Variants in ZNF611 observed in about 807,000 individuals in gnomAD.
The protein encoded by ZNF611 is zinc finger protein 611.
A neutral mutation model predicts 8.9 loss-of-function variants in ZNF611; 6 were observed. The observed-to-expected ratio is 0.68, with a 90% CI of 0.37 to 1.34. The LOEUF (loss-of-function observed/expected upper bound fraction) is 1.34. Ranked by LOEUF, ZNF611 falls within the 40% of genes most tolerant of loss-of-function variation. ZNF611 has a pLI of 0.02. For missense variants in ZNF611, 874 were observed against 841.3 expected, an observed-to-expected ratio of 1.04 and a Z score of -0.48; for synonymous variants, 262 against 279.7, an observed-to-expected ratio of 0.94 and a Z score of 0.63.
At chr19:52,711,851 A>C (rs1420203577) in intron 5 of ZNF611, among the ~76,000 whole-genome samples, 1 of 152,102 alleles carries the variant, frequency 6.6e-6, no homozygotes, top group Non-Finnish European at 1.5e-5. Context: ...ATCCAGATCA[A>C]TGTATCATGT....
intron 4 of ZNF611, among the ~76,000 whole-genome samples, chr19:52,714,416 GGCA>G: frequency 6.6e-6 from 1 of 152,058 alleles, no homozygotes; most frequent in Non-Finnish European, 1.5e-5. Flanking sequence ...GGCCAGGCAT[GGCA>G]GTTCACGCTT....
intron 3 of ZNF611, among the ~76,000 whole-genome samples, chr19:52,722,378 T>C (rs2062365385): frequency 6.6e-6 from 1 of 151,414 alleles, no homozygotes; most frequent in Non-Finnish European, 1.5e-5. Context: ...CCAGACCCTG[T>C]CTCAAAATAT....
At chr19:52,727,825 A>G (rs2062401812) in intron 3 of ZNF611, among the ~76,000 whole-genome samples, 1 of 152,032 alleles carries the variant, frequency 6.6e-6, no homozygotes, top group Non-Finnish European at 1.5e-5. Context: ...TTACAGGTCC[A>G]TAGCTTTAAA....
At chr19:52,734,588 C>T (rs2062446250) in intron 1 of ZNF611, among the ~76,000 whole-genome samples, 1 of 150,162 alleles carries the variant, frequency 6.7e-6, no homozygotes, top group Non-Finnish European at 1.5e-5. Context: ...TCTGCAGGAT[C>T]CCAGGACCTG....
intron 3 of ZNF611, 41 bp from the exon 4 acceptor site, chr19:52,715,954 TCA>T: frequency 6.2e-7 from 1 of 1,606,800 alleles, no homozygotes; most frequent in South Asian, 1.1e-5. Context: ...TAGAAATGAC[TCA>T]CTCCCTTCCT....
chr19:52,712,481 A>AC lies in ZNF611; in HGVS notation c.190+1533_190+1534insG, dbSNP rs955139313. The stretch of plus-strand genomic sequence containing the variant: ...TAAAAAAAAAAAAAAAAAAAAAAAA[A>AC]AAAAAACATTGGCCGGGCATGGTGA... On this transcript the variant is annotated intron_variant, in intron 5 of 5. Transcript: ENST00000652185. 6.6e-4 allele frequency among the ~76,000 whole-genome samples: 97 copies of AC among 147,878 alleles called. 1 individual carries two copies. The East Asian group carries it at 0.013, about 21-fold the overall frequency.
chr19:52,732,922 C>G (rs2062434978), intron 1 of ZNF611, among the ~76,000 whole-genome samples: 1 of 151,862 alleles, frequency 6.6e-6, no homozygotes, highest in South Asian at 2.1e-4. Context: ...CCACTGCACA[C>G]CAGCCTGGGT....
chr19:52,710,591 C>T (rs2062273092), intron 5 of ZNF611, among the ~76,000 whole-genome samples: 1 of 152,262 alleles, frequency 6.6e-6, no homozygotes, highest in South Asian at 2.1e-4. Flanking sequence ...TCTCAAACTC[C>T]TGACCTCAAG....
At chr19:52,717,679 C>T in intron 3 of ZNF611, 1 of 984,950 alleles carries the variant, frequency 1.0e-6, no homozygotes, top group Non-Finnish European at 1.2e-6. Context: ...CAATCCAGCC[C>T]ATCCTTCAAC....
At position 52,705,472 on chromosome 19, in the gene ZNF611, T is replaced by C. The variant is rs1300374266; in HGVS notation, c.1583A>G (p.His528Arg). ...TTTCTCTCCAGTATGACCTATCTTA[T>C]GTGTCTCAAGGCTTGATTTACGACT... ...VFSRKSSLET[H>R]KIGHTGEKPY... Residue 528 changes from histidine to arginine, a missense_variant, in exon 6 of 6, where the codon CAT becomes CGT. Coordinates refer to ENST00000652185, the MANE Select transcript of ZNF611 (RefSeq NM_001161499.2). The C allele has an allele frequency of 2.5e-6, 4 of 1,614,204 alleles. No individual in the cohort carries two copies. The highest frequency in any genetic ancestry group is 3.4e-6 in the Non-Finnish European group (4 of 1,180,036).
intron 3 of ZNF611, among the ~76,000 whole-genome samples, chr19:52,725,706 G>A (rs1315961119): frequency 6.6e-6 from 1 of 152,154 alleles, no homozygotes; most frequent in Non-Finnish European, 1.5e-5. Context: ...TTAATACAAG[G>A]CAGAGCAAAA....
chr19:52,720,487 G>T (rs1349025072), intron 3 of ZNF611, among the ~76,000 whole-genome samples: 7 of 151,264 alleles, frequency 4.6e-5, no homozygotes, highest in African/African-American at 1.7e-4. Flanking sequence ...GGGGCGGCCG[G>T]GCAGAGGCGC....
chr19:52,706,565 G>T lies in ZNF611; in HGVS notation c.490C>A (p.Leu164Met). The T allele has an allele frequency of 2.5e-6, 4 of 1,614,192 alleles. No homozygotes were observed. The highest frequency in any genetic ancestry group is 3.4e-6 in the Non-Finnish European group (4 of 1,180,038). The change falls in exon 6 of 6, where the codon CTG (leucine) becomes ATG (methionine). Residue 164 changes from leucine to methionine, a missense_variant. Physicochemically the swap from Leu to Met is conservative, Grantham distance 15. Coordinates refer to ENST00000652185, the MANE Select transcript of ZNF611 (RefSeq NM_001161499.2). ...DQLGSSFYSH[L>M]PELHIFQIKG... The stretch of plus-strand genomic sequence containing the variant: ...ATCTGAAATATGTGGAGTTCAGGCA[G>T]ATGTGAATAAAAGCTTGATCCAAGC...
chr19:52,716,137 C>T lies in ZNF611; in HGVS notation c.-19-224G>A, dbSNP rs373824680. 354 of 514,820 alleles carry T rather than the reference C, an allele frequency of 6.9e-4. 2 individuals carry two copies. The highest frequency in any genetic ancestry group is 5.8e-3 in the African/African-American group (304 of 52,276). The allele number at this position is 514,820 out of a possible 1,614,324, so 31.9% of individuals were successfully genotyped here. ...TCTCTCCTGGAGAAGCCACCACACA[C>T]GAGGCAGCAGTGGGGAGCTGGGCTG... On this transcript the variant is annotated intron_variant, in intron 3 of 5. Transcript: ENST00000652185.
In ZNF611 at chr19:52,720,331, G is replaced by A. The variant is rs559433209; in HGVS notation, c.-19-4418C>T. ...CTTCACACTTGGAAGATTGCACAGC[G>A]GCCAGGCAGAGGCGCCCCCCACCTC... is the stretch of plus-strand genomic sequence containing the variant. On this transcript the variant is annotated intron_variant, in intron 3 of 5. Transcript: ENST00000652185. Among the ~76,000 whole-genome samples the A allele has an allele frequency of 5.3e-4, 80 of 152,332 alleles. No homozygotes were observed. The East Asian group carries it at 5.6e-3, about 11-fold the overall frequency.
Position 52,732,056 on chromosome 19 carries a change from G to A in ZNF611, c.-221-2051C>T, listed in dbSNP as rs539702292. Among the ~76,000 whole-genome samples, 68 of 152,078 alleles carry A rather than the reference G, an allele frequency of 4.5e-4. No homozygotes were observed. In the East Asian group the frequency reaches 5.1e-3, roughly 11 times the overall value. ...GAGGCTGAGGCGGGCGGATCACGAG[G>A]TCAGGAGATTGAGACCATCCTGGCT... On this transcript the variant is annotated intron_variant, in intron 1 of 5. Coordinates refer to ENST00000652185, the MANE Select transcript of ZNF611 (RefSeq NM_001161499.2).
intron 3 of ZNF611, chr19:52,723,746 A>C (rs977256157): frequency 6.6e-6 from 1 of 152,202 alleles, no homozygotes; most frequent in Non-Finnish European, 1.5e-5. Context: ...ATTGATCACT[A>C]TCTCTACCAT....
chr19:52,712,130 C>T (rs1474709308), intron 5 of ZNF611, among the ~76,000 whole-genome samples: 1 of 152,090 alleles, frequency 6.6e-6, no homozygotes, highest in Non-Finnish European at 1.5e-5. Flanking sequence ...AGTTTTACAT[C>T]TCTTAAATTG....
At chr19:52,714,350 G>A (rs1418240766) in intron 4 of ZNF611, among the ~76,000 whole-genome samples, 3 of 151,804 alleles carry the variant, frequency 2.0e-5, no homozygotes, top group East Asian at 3.9e-4. Flanking sequence ...AAGTCACTAC[G>A]GAAATCTCGA....
Sources: gnomAD v4.1 joint callset for allele counts (sites outside exome capture counted in the v4.1 genomes callset) on GRCh38, gnomAD v4.1.1 for gene constraint, MANE v1.5 for transcripts, NCBI Gene and HGNC (gene_info 2026-07-23, HGNC 2026-07-21) for gene names.